NEIL3: variants seen among roughly 807,000 people sequenced by gnomAD.
The protein encoded by NEIL3 is nei like DNA glycosylase 3.
In NEIL3, 48 loss-of-function variants were observed where a neutral mutation model predicts 57.5. That is an observed-to-expected ratio of 0.83 (90% confidence interval 0.66 to 1.06). The LOEUF is 1.06. Ranked by LOEUF, NEIL3 falls within the 50% of genes least tolerant of loss-of-function variation. The pLI is 0.00. For missense variants in NEIL3, 717 were observed against 739.1 expected, an observed-to-expected ratio of 0.97 and a Z score of 0.35; for synonymous variants, 261 against 253.2, an observed-to-expected ratio of 1.03 and a Z score of -0.29.
At chr4:177,369,338 C>G in the NEIL3 span, among the ~76,000 whole-genome samples, 1 of 152,104 alleles carries the variant, frequency 6.6e-6, no homozygotes, top group African/African-American at 2.4e-5. Context: ...TAGAAGGTGT[C>G]AGCAACAGAA....
At chr4:177,339,047 G>A (rs776636449) in intron 4 of NEIL3, among the ~76,000 whole-genome samples, 30 of 152,206 alleles carry the variant, frequency 2.0e-4, no homozygotes, top group Admixed American at 1.0e-3. Context: ...GTACTAAATA[G>A]ATCCGTAAGA....
At chr4:177,349,805 A>C (rs1338046954) in intron 6 of NEIL3, among the ~76,000 whole-genome samples, 1 of 152,234 alleles carries the variant, frequency 6.6e-6, no homozygotes, top group Non-Finnish European at 1.5e-5. Context: ...GTAACAATAA[A>C]ATTCTCCTTA....
chr4:177,322,798 G>A (rs1734713058), intron 2 of NEIL3, among the ~76,000 whole-genome samples: 1 of 152,006 alleles, frequency 6.6e-6, no homozygotes, highest in Non-Finnish European at 1.5e-5. Flanking sequence ...CATTTTACAG[G>A]GCTTCCCAAG....
rs144388298 is a variant in NEIL3, at chr4:177,321,769, C to A, written c.157-690C>A. ...ATAGGACAGGTCTCAAATTAGATTC[C>A]CCTACTCAGGGGGCCGCAGGTTTTT... On this transcript the variant is annotated intron_variant, in intron 1 of 9. Coordinates refer to ENST00000264596, the MANE Select transcript of NEIL3 (RefSeq NM_018248.3). Among the ~76,000 whole-genome samples the A allele has an allele frequency of 2.0e-3, 307 of 152,138 alleles. 1 individual carries two copies. Among genetic ancestry groups the A allele is most frequent in the African/African-American group, 6.8e-3 (284 of 41,498 alleles).
chr4:177,313,180 A>G (rs763016394), intron 1 of NEIL3, among the ~76,000 whole-genome samples: 2 of 152,252 alleles, frequency 1.3e-5, no homozygotes, highest in African/African-American at 2.4e-5. Flanking sequence ...GAAATATTTA[A>G]TGGGCATTCA....
At chr4:177,365,132 T>A (rs941085233), downstream of NEIL3, among the ~76,000 whole-genome samples, 1 of 152,140 alleles carries the variant, frequency 6.6e-6, no homozygotes, top group Non-Finnish European at 1.5e-5. Context: ...AAGGCCACTA[T>A]CTGTGTGGAG....
intron 2 of NEIL3, among the ~76,000 whole-genome samples, chr4:177,329,938 G>A (rs1189729533): frequency 4.6e-5 from 7 of 151,434 alleles, no homozygotes; most frequent in African/African-American, 4.9e-5. Flanking sequence ...TTCAAATGGA[G>A]TCTTGCTCTG....
intron 1 of NEIL3, among the ~76,000 whole-genome samples, chr4:177,312,255 A>T (rs1254925979): frequency 6.6e-6 from 1 of 152,164 alleles, no homozygotes; most frequent in East Asian, 1.9e-4. Flanking sequence ...CATGTCTAGT[A>T]AGGGGCTAAA....
chr4:177,311,787 C>G (rs2111107296), intron 1 of NEIL3, among the ~76,000 whole-genome samples: 1 of 151,932 alleles, frequency 6.6e-6, no homozygotes, highest in South Asian at 2.1e-4. Context: ...ACTGCCCTCT[C>G]ATTTAGGAGT....
chr4:177,321,389 T>A (rs1734681761), intron 1 of NEIL3, among the ~76,000 whole-genome samples: 1 of 152,174 alleles, frequency 6.6e-6, no homozygotes, highest in Admixed American at 6.6e-5. Flanking sequence ...ATTACGCATG[T>A]CTTAAGTTTT....
intron 8 of NEIL3, 147 bp downstream of exon 8, chr4:177,353,875 C>G: frequency 1.5e-6 from 1 of 664,768 alleles, no homozygotes; most frequent in Non-Finnish European, 2.5e-6. Flanking sequence ...AAGCGATTCT[C>G]CTGCCTCAGC....
chr4:177,321,902 G>A (rs1438254371), intron 1 of NEIL3, among the ~76,000 whole-genome samples: 1 of 152,168 alleles, frequency 6.6e-6, no homozygotes, highest in East Asian at 1.9e-4. Context: ...AATGCCCTTA[G>A]GATAGATGCT....
intron 2 of NEIL3, among the ~76,000 whole-genome samples, chr4:177,326,125 T>C (rs1013266168): frequency 1.3e-5 from 2 of 152,182 alleles, no homozygotes; most frequent in African/African-American, 4.8e-5. Flanking sequence ...ATCTGCCTAA[T>C]GCAAATTAAT....
chr4:177,351,638 T>C, intron 7 of NEIL3, 89 bp downstream of exon 7: 1 of 1,005,996 alleles, frequency 9.9e-7, no homozygotes, highest in Non-Finnish European at 1.5e-6. Context: ...CATCTTGATA[T>C]TCCATAACTA....
intron 1 of NEIL3, among the ~76,000 whole-genome samples, chr4:177,318,314 T>C (rs1734612469): frequency 6.6e-6 from 1 of 152,228 alleles, no homozygotes; most frequent in Admixed American, 6.5e-5. Flanking sequence ...TTCCTGTTTG[T>C]TTTTTCAATT....
At chr4:177,357,316 C>T (rs1735494377) in intron 8 of NEIL3, among the ~76,000 whole-genome samples, 1 of 152,242 alleles carries the variant, frequency 6.6e-6, no homozygotes, top group African/African-American at 2.4e-5. Flanking sequence ...GCTTTGAATG[C>T]AGCCCAACAC....
At chr4:177,342,731 T>G (rs1735121949) in intron 6 of NEIL3, among the ~76,000 whole-genome samples, 1 of 152,168 alleles carries the variant, frequency 6.6e-6, no homozygotes, top group South Asian at 2.1e-4. Flanking sequence ...AAGCAAACAG[T>G]ATTTAATTGG....
intron 6 of NEIL3, among the ~76,000 whole-genome samples, chr4:177,344,852 G>A (rs1362467433): frequency 1.3e-5 from 2 of 152,080 alleles, no homozygotes; most frequent in Admixed American, 1.3e-4. Flanking sequence ...GTGAGCCACC[G>A]TGTCCGGCTT....
downstream of NEIL3, among the ~76,000 whole-genome samples, chr4:177,365,009 C>A (rs1266570992): frequency 2.0e-5 from 3 of 152,036 alleles, no homozygotes; most frequent in East Asian, 5.8e-4. Flanking sequence ...CCAAATTAAT[C>A]TGCTGCTGAG....
Sources: gnomAD v4.1 joint callset for allele counts (sites outside exome capture counted in the v4.1 genomes callset) on GRCh38, gnomAD v4.1.1 for gene constraint, MANE v1.5 for transcripts, NCBI Gene and HGNC (gene_info 2026-07-23, HGNC 2026-07-21) for gene names.